FER1L6: variants seen among roughly 807,000 people sequenced by gnomAD.
FER1L6 encodes fer-1 like family member 6.
FER1L6 carries 177 observed loss-of-function variants against 219.2 expected under a neutral mutation model. The ratio of observed to expected loss-of-function variants is 0.81; its 90% CI spans 0.71 to 0.91. The LOEUF is 0.91. Ranked by LOEUF, FER1L6 falls within the 40% of genes least tolerant of loss-of-function variation. FER1L6 has a pLI of 0.00. For synonymous variants in FER1L6, 768 were observed against 824.3 expected, an observed-to-expected ratio of 0.93 and a Z score of 1.17; for missense variants, 2,153 against 2,259.9, an observed-to-expected ratio of 0.95 and a Z score of 0.96.
At chr8:124,101,444 C>T in intron 38 of FER1L6, 106 bp downstream of exon 38, 2 of 1,045,588 alleles carry the variant, frequency 1.9e-6, no homozygotes, top group Non-Finnish European at 2.7e-6. Flanking sequence ...TCAGCACTAT[C>T]TATGATAGCA....
intron 1 of FER1L6, among the ~76,000 whole-genome samples, chr8:123,874,339 C>T (rs573054863): frequency 3.3e-5 from 5 of 152,288 alleles, no homozygotes; most frequent in East Asian, 1.9e-4. Flanking sequence ...AGCTGCGTCA[C>T]GTTACCTATC....
intron 10 of FER1L6, among the ~76,000 whole-genome samples, chr8:123,978,692 A>G (rs1414745639): frequency 1.3e-5 from 2 of 152,226 alleles, no homozygotes; most frequent in Non-Finnish European, 2.9e-5. Context: ...AATATATCAC[A>G]TATCATCTGT....
chr8:124,061,408 A>G (rs1820566070), intron 24 of FER1L6, among the ~76,000 whole-genome samples: 1 of 152,128 alleles, frequency 6.6e-6, no homozygotes, highest in Non-Finnish European at 1.5e-5. Context: ...AACCTTTTGT[A>G]TCAGGCTGCA....
chr8:124,003,309 C>G lies in FER1L6; in HGVS notation c.1662C>G (p.Thr554=). Residue 554 remains threonine (T), a synonymous_variant, in exon 13 of 41, where the codon ACC becomes ACG. Transcript: ENST00000522917. ...AHDVPIPMAS[T]THPEKPLVTE... ...ATGTTCCCATTCCTATGGCCTCCAC[C>G]ACTCACCCGGAGAAGCCACTGGTGA... 6.2e-7 allele frequency: 1 copy of G among 1,613,712 alleles called. No individual in the cohort carries two copies. The highest frequency in any genetic ancestry group is 8.5e-7 in the Non-Finnish European group (1 of 1,179,982).
intron 40 of FER1L6, among the ~76,000 whole-genome samples, chr8:124,119,368 G>A (rs761434892): frequency 6.6e-5 from 10 of 152,092 alleles, no homozygotes; most frequent in Non-Finnish European, 1.0e-4. Context: ...GGGGCCTTGG[G>A]CTGGGTTCTA....
intron 7 of FER1L6, among the ~76,000 whole-genome samples, chr8:123,974,252 G>A (rs1182857823): frequency 2.0e-5 from 3 of 152,154 alleles, no homozygotes; most frequent in Non-Finnish European, 4.4e-5. Flanking sequence ...AAGGAACAGT[G>A]GAGTCTGGGA....
intron 1 of FER1L6, among the ~76,000 whole-genome samples, chr8:123,936,104 G>A (rs1236203752): frequency 6.6e-6 from 1 of 152,152 alleles, no homozygotes; most frequent in Admixed American, 6.5e-5. Flanking sequence ...ATTAGGATGG[G>A]AAGAAAAATA....
chr8:124,076,383 T>C (rs1251807360), intron 32 of FER1L6, 58 bp downstream of exon 32: 24 of 1,550,904 alleles, frequency 1.5e-5, no homozygotes, highest in Non-Finnish European at 1.7e-5. Flanking sequence ...CCTGCTGTGT[T>C]TCTGTGGGGA....
intron 35 of FER1L6, among the ~76,000 whole-genome samples, chr8:124,096,929 A>G (rs1822321808): frequency 6.6e-6 from 1 of 152,138 alleles, no homozygotes; most frequent in South Asian, 2.1e-4. Flanking sequence ...AAATAGTAAC[A>G]TCTACCTGGT....
intron 1 of FER1L6, among the ~76,000 whole-genome samples, chr8:123,894,561 C>T (rs12541526): frequency 0.29 from 44,762 of 152,106 alleles, 7,464 homozygotes; most frequent in Middle Eastern, 0.39. Flanking sequence ...CATTAAAACA[C>T]GGGTACATGT....
intron 11 of FER1L6, among the ~76,000 whole-genome samples, chr8:123,983,047 A>AT (rs1284606753): frequency 1.3e-5 from 2 of 152,180 alleles, no homozygotes; most frequent in East Asian, 1.9e-4. Context: ...ATTAGGTTTC[A>AT]TTTTTTGAGG....
At chr8:124,084,994 G>A (rs777805360) in intron 33 of FER1L6, among the ~76,000 whole-genome samples, 2 of 152,018 alleles carry the variant, frequency 1.3e-5, no homozygotes, top group African/African-American at 2.4e-5. Context: ...TAGGTTGTAT[G>A]TTTCTAGGAA....
chr8:123,936,357 C>G (rs1178248045), intron 1 of FER1L6, among the ~76,000 whole-genome samples: 1 of 152,024 alleles, frequency 6.6e-6, no homozygotes, highest in Non-Finnish European at 1.5e-5. Flanking sequence ...TACTTTTTTA[C>G]CTGATTTTCA....
At chr8:123,859,548 CTTTTT>C (rs540137748) in intron 1 of FER1L6, among the ~76,000 whole-genome samples, 1 of 134,114 alleles carries the variant, frequency 7.5e-6, no homozygotes. Context: ...TGCTCTGTTT[CTTTTT>C]TTTTTTTTTT....
chr8:124,034,054 T>G (rs767684283), intron 18 of FER1L6, among the ~76,000 whole-genome samples: 15 of 152,094 alleles, frequency 9.9e-5, no homozygotes, highest in Non-Finnish European at 1.9e-4. Context: ...AATTTCGGAT[T>G]CAGAGACTCT....
At chr8:124,063,854 T>C (rs1179321876) in intron 25 of FER1L6, among the ~76,000 whole-genome samples, 1 of 152,206 alleles carries the variant, frequency 6.6e-6, no homozygotes, top group Non-Finnish European at 1.5e-5. Context: ...AACCTTTCTA[T>C]GGCATCAGAA....
In FER1L6 at chr8:123,852,605, C is replaced by G. The variant is rs987846019; in HGVS notation, c.-8+420C>G. ...AAGCATGAGGAAGTTGCCTCAGGAA[C>G]TCATAGAAAATGTGGGGCCTCTCAC... On this transcript the variant is annotated intron_variant, in intron 1 of 40. Transcript: ENST00000522917. The surrounding 1 kb of genome is among the most constrained non-coding windows in gnomAD (Gnocchi z 4.9). Among the ~76,000 whole-genome samples, 1 of 151,900 alleles carries G rather than the reference C, an allele frequency of 6.6e-6. No individual in the cohort carries two copies.
chr8:123,899,160 A>G (rs953356768), intron 1 of FER1L6, among the ~76,000 whole-genome samples: 2 of 152,072 alleles, frequency 1.3e-5, no homozygotes, highest in African/African-American at 4.8e-5. Flanking sequence ...CATCCATGCC[A>G]ACATCTACTG....
intron 14 of FER1L6, among the ~76,000 whole-genome samples, chr8:124,012,372 C>T (rs908639633): frequency 2.5e-4 from 38 of 152,218 alleles, no homozygotes; most frequent in African/African-American, 8.2e-4. Context: ...TCAGACAGAA[C>T]AGATCGTTTA....
Sources: allele counts gnomAD v4.1 joint callset (sites outside exome capture counted in the v4.1 genomes callset), GRCh38; gene constraint gnomAD v4.1.1; non-coding constraint Gnocchi (gnomAD v3.1); transcripts MANE v1.5; gene names NCBI Gene and HGNC (gene_info 2026-07-23, HGNC 2026-07-21).